GALNTL5: variants seen among roughly 807,000 people sequenced by gnomAD.
GALNTL5 encodes polypeptide N-acetylgalactosaminyltransferase like 5.
A neutral mutation model predicts 51.0 loss-of-function variants in GALNTL5; 44 were observed. The ratio of observed to expected loss-of-function variants is 0.86; its 90% CI spans 0.68 to 1.11. The LOEUF (loss-of-function observed/expected upper bound fraction) is 1.11. GALNTL5 is among the 50% of genes least tolerant of loss of function. The pLI is 0.00. For missense variants in GALNTL5, 528 were observed against 531.8 expected (o/e 0.99, Z 0.07); for synonymous variants, 192 against 182.8 (o/e 1.05, Z -0.41).
chr7:152,014,234 A>G (rs1164126096), intron 7 of GALNTL5, among the ~76,000 whole-genome samples: 1 of 152,232 alleles, frequency 6.6e-6, no homozygotes, highest in African/African-American at 2.4e-5. Context: ...AGAATTAAAT[A>G]AGAAACTTAA....
chr7:151,987,261 T>G lies in GALNTL5; in HGVS notation c.638T>G (p.Ile213Ser). 4 of 1,582,670 alleles carry G rather than the reference T, an allele frequency of 2.5e-6. No homozygotes were observed. Among genetic ancestry groups the G allele is most frequent in the Non-Finnish European group, 3.4e-6 (4 of 1,170,374 alleles). ...GAGGGGCTGATTCGAGCAAGGCTGA[T>G]TGGAGCTTCTCATGCTTCAGGTAGG... ...KREGLIRARLIGASHASGDVL... is the reference protein window; with the variant it reads ...KREGLIRARLSGASHASGDVL... Residue 213 changes from isoleucine (I) to serine (S), a missense_variant, in exon 5 of 9, where the codon ATT becomes AGT. Ile to Ser is a moderately radical substitution (Grantham distance 142). Coordinates refer to ENST00000392800, the MANE Select transcript of GALNTL5 (RefSeq NM_145292.4).
chr7:151,984,573 G>A (rs111535764), intron 4 of GALNTL5, among the ~76,000 whole-genome samples: 5 of 152,154 alleles, frequency 3.3e-5, no homozygotes, highest in East Asian at 1.9e-4. Context: ...GGCACCTATC[G>A]TAAATAACAC....
chr7:151,989,697 C>T (rs568108091), intron 5 of GALNTL5, among the ~76,000 whole-genome samples: 3 of 152,298 alleles, frequency 2.0e-5, no homozygotes, highest in African/African-American at 7.2e-5. Flanking sequence ...TTAACAATCT[C>T]ATCACACAGA....
intron 1 of GALNTL5, among the ~76,000 whole-genome samples, chr7:151,959,780 G>A (rs1177608661): frequency 1.3e-5 from 2 of 152,188 alleles, no homozygotes; most frequent in East Asian, 1.9e-4. Context: ...TGGCCAGGAG[G>A]GTACTGGGGG....
At position 151,962,443 on chromosome 7, in the gene GALNTL5, T is replaced by C. The variant is rs143704395; in HGVS notation, c.-39-4765T>C. Among the ~76,000 whole-genome samples the C allele has an allele frequency of 2.9e-3, 430 of 147,854 alleles. 5 individuals carry two copies. The highest frequency in any genetic ancestry group is 0.01 in the African/African-American group (410 of 40,770). ...TCTGTGTGATTTTTTTTTCTTTTTT[T>C]TTTTTTTTGGTTAATGCAGTAATCA... is the stretch of plus-strand genomic sequence containing the variant. On this transcript the variant is annotated intron_variant, in intron 1 of 8. Transcript: ENST00000392800.
intron 8 of GALNTL5, among the ~76,000 whole-genome samples, chr7:152,016,026 C>T (rs2081808767): frequency 6.6e-6 from 1 of 152,092 alleles, no homozygotes; most frequent in Admixed American, 6.6e-5. Flanking sequence ...AATAATGCTC[C>T]ATTTCTTTTG....
At chr7:151,994,628 C>T (rs558184575) in intron 5 of GALNTL5, among the ~76,000 whole-genome samples, 24 of 152,176 alleles carry the variant, frequency 1.6e-4, no homozygotes, top group Middle Eastern at 3.2e-3. Context: ...GTTCTTCTCT[C>T]AGGCATCTGC....
At chr7:152,010,259 T>C (rs1053696985) in intron 7 of GALNTL5, among the ~76,000 whole-genome samples, 29 of 151,938 alleles carry the variant, frequency 1.9e-4, no homozygotes, top group Admixed American at 1.3e-4. Flanking sequence ...ACTACAGACA[T>C]GCACCACAAC....
intron 3 of GALNTL5, among the ~76,000 whole-genome samples, chr7:151,981,394 T>C (rs2081283990): frequency 6.6e-6 from 1 of 152,172 alleles, no homozygotes; most frequent in Admixed American, 6.5e-5. Context: ...ATCGCTATTA[T>C]TATTTTTCCC....
chr7:151,979,106 C>CT (rs397888897), intron 3 of GALNTL5, among the ~76,000 whole-genome samples: 28,351 of 71,056 alleles, frequency 0.4, 4,393 homozygotes, highest in South Asian at 0.54. Flanking sequence ...TACTTTTACT[C>CT]TTTTTTTTTT....
At chr7:151,981,325 C>G (rs551833134) in intron 3 of GALNTL5, among the ~76,000 whole-genome samples, 55 of 152,240 alleles carry the variant, frequency 3.6e-4, no homozygotes, top group African/African-American at 1.3e-3. Context: ...AGGCACTGCT[C>G]TAAGTGTTGT....
At chr7:151,959,517 T>C (rs2080966639) in intron 1 of GALNTL5, among the ~76,000 whole-genome samples, 1 of 152,184 alleles carries the variant, frequency 6.6e-6, no homozygotes, top group Non-Finnish European at 1.5e-5. Context: ...GCACCCAGGA[T>C]CTTGGCCAGA....
At chr7:152,007,421 T>C (rs2081659680) in intron 6 of GALNTL5, among the ~76,000 whole-genome samples, 1 of 143,688 alleles carries the variant, frequency 7.0e-6, no homozygotes, top group African/African-American at 2.6e-5. Flanking sequence ...CTCTTTTTTT[T>C]TTTTTTTTTT....
At chr7:151,998,328 GCTA>G (rs1437285481) in intron 5 of GALNTL5, among the ~76,000 whole-genome samples, 1 of 131,262 alleles carries the variant, frequency 7.6e-6, no homozygotes, top group East Asian at 2.7e-4. Context: ...TGGAAAAGGT[GCTA>G]AAAAAAAGTC....
At chr7:151,981,050 G>A (rs779623622) in intron 3 of GALNTL5, among the ~76,000 whole-genome samples, 9 of 152,188 alleles carry the variant, frequency 5.9e-5, no homozygotes, top group South Asian at 4.2e-4. Flanking sequence ...CGGCCACAAT[G>A]ATTTTTTTAT....
At chr7:151,997,214 G>T (rs562705183) in intron 5 of GALNTL5, among the ~76,000 whole-genome samples, 1 of 152,282 alleles carries the variant, frequency 6.6e-6, no homozygotes, top group South Asian at 2.1e-4. Context: ...CCTCTATCAG[G>T]CAGGCTTGAC....
At chr7:152,007,643 C>A (rs2081665068) in intron 6 of GALNTL5, among the ~76,000 whole-genome samples, 184 bp from the exon 7 acceptor site, 1 of 152,010 alleles carries the variant, frequency 6.6e-6, no homozygotes. Context: ...TGGTCTCGAT[C>A]TCCTGAACTC....
chr7:152,003,984 G>A (rs2081613027), intron 6 of GALNTL5, among the ~76,000 whole-genome samples: 1 of 151,940 alleles, frequency 6.6e-6, no homozygotes, highest in Non-Finnish European at 1.5e-5. Context: ...AAACAATTTG[G>A]CAATGCAAAT....
intron 3 of GALNTL5, among the ~76,000 whole-genome samples, chr7:151,974,121 G>GTTCATC (rs1554405061): frequency 1.8e-4 from 12 of 65,272 alleles, no homozygotes; most frequent in South Asian, 5.3e-4. Flanking sequence ...CCAGTCTCAG[G>GTTCATC]TGGTATCCTT....
Sources: gnomAD v4.1 joint callset for allele counts (sites outside exome capture counted in the v4.1 genomes callset) on GRCh38, gnomAD v4.1.1 for gene constraint, MANE v1.5 for transcripts, NCBI Gene and HGNC (gene_info 2026-07-23, HGNC 2026-07-21) for gene names.